DCC: variants seen among roughly 807,000 people sequenced by gnomAD.
The protein encoded by DCC is DCC netrin 1 receptor.
DCC carries 58 observed loss-of-function variants against 172.5 expected under a neutral mutation model. That is an observed-to-expected ratio of 0.34 (90% confidence interval 0.27 to 0.42). The LOEUF is 0.42. Ranked by LOEUF, DCC falls within the 10% of genes least tolerant of loss-of-function variation. DCC has a pLI of 1.00. For synonymous variants in DCC, 709 were observed against 644.5 expected (o/e 1.10, Z -1.52); for missense variants, 1,740 against 1,791.0 (o/e 0.97, Z 0.51).
chr18:53,096,119 A>G (rs1034639914), intron 7 of DCC, among the ~76,000 whole-genome samples: 1 of 152,110 alleles, frequency 6.6e-6, no homozygotes, highest in Non-Finnish European at 1.5e-5. Context: ...ACTAACCAGC[A>G]CATTATGCAC....
intron 1 of DCC, among the ~76,000 whole-genome samples, chr18:52,729,379 C>T (rs1679551720): frequency 6.6e-6 from 1 of 152,124 alleles, no homozygotes; most frequent in South Asian, 2.1e-4. Context: ...CCTGCCTCAG[C>T]CTCCTGAGTA....
chr18:52,723,832 G>A (rs1029394133), intron 1 of DCC, among the ~76,000 whole-genome samples: 1 of 152,110 alleles, frequency 6.6e-6, no homozygotes, highest in Non-Finnish European at 1.5e-5. Flanking sequence ...AACCAGAGAG[G>A]TAAGGGCAAA....
chr18:52,882,527 G>T (rs1011358654), intron 2 of DCC, among the ~76,000 whole-genome samples: 5 of 151,568 alleles, frequency 3.3e-5, no homozygotes, highest in African/African-American at 1.2e-4. Flanking sequence ...TTTTCTTCTT[G>T]ATTCAGGAGC....
rs536730282 is a variant in DCC, at chr18:53,422,055, A to G, written c.3163+5899A>G. On this transcript the variant is annotated intron_variant, in intron 21 of 28. Coordinates refer to ENST00000442544, the MANE Select transcript of DCC (RefSeq NM_005215.4). ...GTCACTCATGTCATACCCAACTAAA[A>G]TGGAGTCAGGAGGTTATAAGGAAAA... Among the ~76,000 whole-genome samples, 19 of 152,244 alleles carry G rather than the reference A, an allele frequency of 1.2e-4. No homozygotes were observed. The South Asian group carries it at 3.9e-3, about 32-fold the overall frequency.
At chr18:53,008,298 C>A (rs187766209) in intron 5 of DCC, among the ~76,000 whole-genome samples, 1 of 152,108 alleles carries the variant, frequency 6.6e-6, no homozygotes, top group Non-Finnish European at 1.5e-5. Flanking sequence ...CCATTGATCA[C>A]TAGTATCTAT....
At chr18:52,429,754 A>T (rs909284191) in intron 1 of DCC, among the ~76,000 whole-genome samples, 8 of 152,124 alleles carry the variant, frequency 5.3e-5, no homozygotes, top group African/African-American at 1.9e-4. Flanking sequence ...TTTCTATCCA[A>T]CTCAAAGAAA....
intron 1 of DCC, among the ~76,000 whole-genome samples, chr18:52,443,739 A>C (rs1988039732): frequency 6.6e-6 from 1 of 152,238 alleles, no homozygotes. Flanking sequence ...GAAATATTAT[A>C]AAATATATGC....
rs540437377 is a variant in DCC, at chr18:52,991,504, C to T, written c.985+66134C>T. ...CTTTCTCTCTAAGTGGTTTATTCTG[C>T]CAACCCCAATGTCTCAGCTCTTAGG... On this transcript the variant is annotated intron_variant, in intron 5 of 28. Coordinates refer to ENST00000442544, the MANE Select transcript of DCC (RefSeq NM_005215.4). Among the ~76,000 whole-genome samples, 19 of 152,194 alleles carry T rather than the reference C, an allele frequency of 1.2e-4. No homozygotes were observed. The East Asian group carries it at 1.4e-3, about 11-fold the overall frequency.
chr18:53,089,152 C>A (rs1202358431), intron 7 of DCC, among the ~76,000 whole-genome samples: 1 of 152,072 alleles, frequency 6.6e-6, no homozygotes. Context: ...GTGGTGTGAT[C>A]TCTGCTCACT....
At chr18:52,379,648 A>G (rs1985501912) in intron 1 of DCC, among the ~76,000 whole-genome samples, 2 of 152,240 alleles carry the variant, frequency 1.3e-5, no homozygotes, top group South Asian at 2.1e-4. Flanking sequence ...TTTTTCTTCC[A>G]CTGCTTGCAG....
At chr18:53,425,719 A>T (rs1334475063) in intron 21 of DCC, among the ~76,000 whole-genome samples, 2 of 152,028 alleles carry the variant, frequency 1.3e-5, no homozygotes, top group Non-Finnish European at 2.9e-5. Context: ...TCATCATCAG[A>T]GTCATACAGT....
chr18:52,859,454 T>G (rs1449213804), intron 2 of DCC, among the ~76,000 whole-genome samples: 1 of 152,164 alleles, frequency 6.6e-6, no homozygotes, highest in African/African-American at 2.4e-5. Flanking sequence ...TCGTATACAA[T>G]CTTGAGGTTA....
chr18:53,261,461 A>G (rs2056601306), intron 12 of DCC, among the ~76,000 whole-genome samples: 1 of 152,166 alleles, frequency 6.6e-6, no homozygotes, highest in African/African-American at 2.4e-5. Flanking sequence ...GAGCTGGGTC[A>G]TACTTATGTC....
intron 1 of DCC, among the ~76,000 whole-genome samples, chr18:52,723,866 G>C (rs2036511160): frequency 6.6e-6 from 1 of 152,162 alleles, no homozygotes. Flanking sequence ...TGACCCTCAG[G>C]CATCCTAAGT....
intron 19 of DCC, among the ~76,000 whole-genome samples, chr18:53,407,560 C>A (rs1157566478): frequency 2.4e-5 from 2 of 83,672 alleles, no homozygotes; most frequent in East Asian, 7.0e-4. Context: ...TATATATTCA[C>A]TATTACTCTC....
At chr18:52,558,199 T>A (rs1378384273) in intron 1 of DCC, among the ~76,000 whole-genome samples, 2 of 151,794 alleles carry the variant, frequency 1.3e-5, no homozygotes, top group Non-Finnish European at 2.9e-5. Context: ...GAAAAACAAT[T>A]TATTGAGAAA....
chr18:53,441,816 C>T (rs949727416), intron 22 of DCC, among the ~76,000 whole-genome samples: 6 of 152,280 alleles, frequency 3.9e-5, no homozygotes, highest in African/African-American at 1.2e-4. Flanking sequence ...AAACAAATCA[C>T]GTCTGTTTCT....
chr18:53,356,075 G>A (rs1190866265), intron 15 of DCC, among the ~76,000 whole-genome samples: 1 of 151,654 alleles, frequency 6.6e-6, no homozygotes, highest in Non-Finnish European at 1.5e-5. Context: ...ATTTTTTTGA[G>A]ACAGGGTCTC....
At chr18:52,534,076 A>T (rs2032223656) in intron 1 of DCC, among the ~76,000 whole-genome samples, 1 of 152,132 alleles carries the variant, frequency 6.6e-6, no homozygotes, top group Non-Finnish European at 1.5e-5. Context: ...TACTGTATGG[A>T]TATACCACAT....
Sources: gnomAD v4.1 joint callset for allele counts (sites outside exome capture counted in the v4.1 genomes callset) on GRCh38, gnomAD v4.1.1 for gene constraint, MANE v1.5 for transcripts, NCBI Gene and HGNC (gene_info 2026-07-23, HGNC 2026-07-21) for gene names.